GRIA3: variants seen among roughly 807,000 people sequenced by gnomAD.
The protein encoded by GRIA3 is glutamate ionotropic receptor AMPA type subunit 3, also known as glutamate receptor 3.
In GRIA3, 3 loss-of-function variants were observed where a neutral mutation model predicts 63.0. The observed-to-expected ratio is 0.05, with a 90% CI of 0.02 to 0.12. GRIA3 has a LOEUF of 0.12. Among genes scored for constraint, GRIA3 ranks in the 10% least tolerant of loss-of-function variants. The pLI is 1.00. For missense variants in GRIA3, 347 were observed against 700.9 expected, an observed-to-expected ratio of 0.50 and a Z score of 5.70; for synonymous variants, 274 against 257.9, an observed-to-expected ratio of 1.06 and a Z score of -0.60.
At chrX:123,464,381 G>T (rs2045823589) in intron 12 of GRIA3, among the ~76,000 whole-genome samples, 1 of 111,648 alleles carries the variant, frequency 9.0e-6, no homozygotes, top group Non-Finnish European at 1.9e-5. Context: ...TCAGAATAAG[G>T]AGGTACTTTC....
intron 11 of GRIA3, among the ~76,000 whole-genome samples, chrX:123,422,656 C>T (rs184986397): frequency 4.5e-5 from 5 of 112,240 alleles, no homozygotes; most frequent in African/African-American, 1.6e-4. Flanking sequence ...CTTGCTAAGC[C>T]TCAGTTCTTC....
At chrX:123,226,483 G>A (rs1456365485) in intron 2 of GRIA3, among the ~76,000 whole-genome samples, 1 of 111,388 alleles carries the variant, frequency 9.0e-6, no homozygotes, top group African/African-American at 3.3e-5. Flanking sequence ...AAGACACTCT[G>A]AGAGTACAGA....
intron 7 of GRIA3, among the ~76,000 whole-genome samples, chrX:123,401,231 A>G (rs1272147925): frequency 8.9e-6 from 1 of 111,983 alleles, no homozygotes; most frequent in Non-Finnish European, 1.9e-5. Context: ...CAAACGTTCA[A>G]ATCATGCGTC....
At chrX:123,331,598 C>T (rs1219729803) in intron 4 of GRIA3, among the ~76,000 whole-genome samples, 2 of 111,710 alleles carry the variant, frequency 1.8e-5, no homozygotes, top group African/African-American at 6.5e-5. Context: ...TGCCCAGTTC[C>T]TCTCCACTTT....
intron 5 of GRIA3, among the ~76,000 whole-genome samples, chrX:123,367,165 A>T (rs934837077): frequency 8.9e-6 from 1 of 112,120 alleles, no homozygotes; most frequent in African/African-American, 3.2e-5. Flanking sequence ...CTGCTGAAGC[A>T]GTCTATGATT....
At chrX:123,267,129 T>G (rs1205926344) in intron 3 of GRIA3, among the ~76,000 whole-genome samples, 1 of 112,196 alleles carries the variant, frequency 8.9e-6, no homozygotes, top group African/African-American at 3.2e-5. Flanking sequence ...TATTATTATT[T>G]GTAAATTGAA....
rs188821176 is a variant in GRIA3, at chrX:123,222,793, G to A, written c.269-30510G>A. On this transcript the variant is annotated intron_variant, in intron 2 of 15. Transcript: ENST00000620443. ...CCCTTCTTACTCTGAAAATCAATAT[G>A]CTGACTATAGCTGGGTGTCTGTTGA... is the stretch of plus-strand genomic sequence containing the variant. Among the ~76,000 whole-genome samples the A allele has an allele frequency of 2.0e-4, 22 of 111,613 alleles. No homozygotes were observed. In the East Asian group the frequency reaches 6.2e-3, roughly 32 times the overall value.
At position 123,468,006 on chromosome X, in the gene GRIA3, A is replaced by G. The variant is rs139170820; in HGVS notation, c.2324+2894A>G. 5.0e-4 allele frequency among the ~76,000 whole-genome samples: 56 copies of G among 112,252 alleles called. 1 individual carries two copies. The East Asian group carries it at 0.015, about 31-fold the overall frequency. On this transcript the variant is annotated intron_variant, in intron 13 of 15. Transcript: ENST00000620443. ...TTTCAGTAGATCCTAAATGTTTTCAACTTCTCTAACCATAGTGCTACCTGC... is the reference window on the plus strand; with the variant it reads ...TTTCAGTAGATCCTAAATGTTTTCAGCTTCTCTAACCATAGTGCTACCTGC...
At chrX:123,348,199 A>C (rs905811830) in intron 4 of GRIA3, among the ~76,000 whole-genome samples, 2 of 112,282 alleles carry the variant, frequency 1.8e-5, no homozygotes, top group Non-Finnish European at 3.8e-5. Context: ...TAGAGAACAC[A>C]AAGATACAAT....
intron 2 of GRIA3, among the ~76,000 whole-genome samples, chrX:123,206,002 G>A (rs975361627): frequency 4.5e-5 from 5 of 111,438 alleles, no homozygotes; most frequent in African/African-American, 1.3e-4. Context: ...AAAGATGGTC[G>A]TGGGGGAGGG....
chrX:123,432,615 G>A (rs188940855), intron 12 of GRIA3, among the ~76,000 whole-genome samples: 3 of 111,726 alleles, frequency 2.7e-5, no homozygotes, highest in African/African-American at 9.8e-5. Context: ...TTACTTTGCC[G>A]TTGCTTGGTT....
chrX:123,472,348 G>C (rs2147439690), intron 13 of GRIA3, among the ~76,000 whole-genome samples: 1 of 109,364 alleles, frequency 9.1e-6, no homozygotes, highest in Non-Finnish European at 1.9e-5. Context: ...GTACCGATCT[G>C]TTTCTCTCTT....
At chrX:123,188,540 AT>A (rs1179486425) in intron 2 of GRIA3, among the ~76,000 whole-genome samples, 2 of 110,986 alleles carry the variant, frequency 1.8e-5, no homozygotes, top group African/African-American at 6.6e-5. Flanking sequence ...GATTGCCCTG[AT>A]TGTGCAAAGA....
intron 3 of GRIA3, among the ~76,000 whole-genome samples, chrX:123,317,723 G>A (rs1449435378): frequency 8.9e-6 from 1 of 112,067 alleles, no homozygotes; most frequent in Non-Finnish European, 1.9e-5. Context: ...TCATGGGCTA[G>A]TGTTGAGTGT....
At chrX:123,388,013 C>T (rs1453988916) in intron 5 of GRIA3, among the ~76,000 whole-genome samples, 2 of 111,892 alleles carry the variant, frequency 1.8e-5, no homozygotes, top group East Asian at 5.6e-4. Context: ...GGTATTAGTT[C>T]TTCTTTGTGA....
chrX:123,324,362 G>A (rs769803114), intron 3 of GRIA3, among the ~76,000 whole-genome samples: 2 of 112,250 alleles, frequency 1.8e-5, no homozygotes, highest in Non-Finnish European at 3.8e-5. Flanking sequence ...TAGTACAAAA[G>A]TAAAATTCAA....
At chrX:123,226,251 T>C (rs2044246444) in intron 2 of GRIA3, among the ~76,000 whole-genome samples, 1 of 111,443 alleles carries the variant, frequency 9.0e-6, no homozygotes, top group Admixed American at 9.6e-5. Context: ...TTCAAGAAGT[T>C]TGGAAAATGA....
chrX:123,216,555 G>T lies in GRIA3; in HGVS notation c.268+30565G>T, dbSNP rs1488803438. Among the ~76,000 whole-genome samples, 3 of 111,434 alleles carry T rather than the reference G, an allele frequency of 2.7e-5. No individual in the cohort carries two copies. The Admixed American group carries it at 2.9e-4, about 11-fold the overall frequency. ...ATTGACAAGGTTGGCACTTCTCAGA[G>T]ATGGAGGGAAGGGAGAGGCAGTGGT... is the stretch of plus-strand genomic sequence containing the variant. On this transcript the variant is annotated intron_variant, in intron 2 of 15. Coordinates refer to ENST00000620443, the MANE Select transcript of GRIA3 (RefSeq NM_007325.5).
At chrX:123,459,827 A>G (rs186610821) in intron 12 of GRIA3, among the ~76,000 whole-genome samples, 1 of 111,194 alleles carries the variant, frequency 9.0e-6, no homozygotes, top group Admixed American at 9.6e-5. Flanking sequence ...TGCAAAAAAA[A>G]AAAGGAAAGA....
Sources: allele counts gnomAD v4.1 joint callset (sites outside exome capture counted in the v4.1 genomes callset), GRCh38; gene constraint gnomAD v4.1.1; transcripts MANE v1.5; gene names NCBI Gene and HGNC (gene_info 2026-07-23, HGNC 2026-07-21).